The following WWP1 variants were observed in gnomAD, a reference collection of about 807,000 sequenced individuals.
WWP1 encodes WW domain containing E3 ubiquitin protein ligase 1, also known as NEDD4-like E3 ubiquitin-protein ligase WWP1.
A neutral mutation model predicts 130.6 loss-of-function variants in WWP1; 49 were observed. The observed-to-expected ratio is 0.38, with a 90% CI of 0.30 to 0.48. The LOEUF (loss-of-function observed/expected upper bound fraction) is 0.48. Ranked by LOEUF, WWP1 falls within the 20% of genes least tolerant of loss-of-function variation. The pLI, the probability that WWP1 is intolerant of heterozygous loss-of-function variation, is 0.99. For missense variants in WWP1, 809 were observed against 1,100.6 expected (o/e 0.74, Z 3.75); for synonymous variants, 332 against 367.8 (o/e 0.90, Z 1.11).
rs777777787 is a variant in WWP1 at position 86,452,585 on chromosome 8, G to A, written c.2300G>A (p.Arg767Gln). The A allele has an allele frequency of 5.6e-6, 9 of 1,606,536 alleles. No homozygotes were observed. The highest frequency in any genetic ancestry group is 4.0e-5 in the African/African-American group (3 of 74,510). ...IGLMTEWRFS[R>Q]GVQEQTKAFL... is the part of the protein sequence containing the mutation. ...TTAATGACAGAATGGCGTTTTTCTC[G>A]AGGAGTACAAGAACAGACCAAAGCT... The change falls in exon 21 of 25, where the codon CGA (arginine) becomes CAA (glutamine). Residue 767 changes from arginine (R) to glutamine (Q), a missense_variant. Transcript: ENST00000517970.
intron 17 of WWP1, 62 bp downstream of exon 17, chr8:86,438,735 A>G (rs1482251533): frequency 5.9e-6 from 8 of 1,345,276 alleles, no homozygotes; most frequent in Non-Finnish European, 8.1e-6. Context: ...CAGGGAAAGT[A>G]TTCTTCAAAA....
At chr8:86,417,886 G>T (rs1586404291) in intron 9 of WWP1, among the ~76,000 whole-genome samples, 1 of 152,218 alleles carries the variant, frequency 6.6e-6, no homozygotes, top group East Asian at 1.9e-4. Context: ...AGAGCTCAAG[G>T]CTCTGTTGTG....
chr8:86,398,501 G>A, intron 6 of WWP1, 22 bp downstream of exon 6: 1 of 1,609,040 alleles, frequency 6.2e-7, no homozygotes, highest in Non-Finnish European at 8.5e-7. Context: ...TTATATGTTT[G>A]TAAAATTTCA....
chr8:86,457,223 T>A (rs1811496143), intron 21 of WWP1, among the ~76,000 whole-genome samples: 1 of 151,930 alleles, frequency 6.6e-6, no homozygotes, highest in Admixed American at 6.6e-5. Flanking sequence ...CATACATAAG[T>A]TGAGGTTGTT....
At chr8:86,371,067 G>A (rs1000607291) in intron 2 of WWP1, among the ~76,000 whole-genome samples, 3 of 145,856 alleles carry the variant, frequency 2.1e-5, no homozygotes, top group Non-Finnish European at 3.0e-5. Context: ...TGGTAGAGGC[G>A]AGGCTTCACC....
chr8:86,458,918 A>C (rs1811602231), intron 22 of WWP1, among the ~76,000 whole-genome samples: 1 of 152,290 alleles, frequency 6.6e-6, no homozygotes, highest in African/African-American at 2.4e-5. Context: ...CAGAGACTTG[A>C]AACAACCTAA....
chr8:86,420,730 T>TA (rs1809153918), intron 9 of WWP1, among the ~76,000 whole-genome samples: 1 of 152,196 alleles, frequency 6.6e-6, no homozygotes, highest in Non-Finnish European at 1.5e-5. Flanking sequence ...TTTTTTGCAA[T>TA]AAGTCTCACA....
intron 3 of WWP1, among the ~76,000 whole-genome samples, chr8:86,377,669 T>C (rs1824744684): frequency 6.6e-6 from 1 of 152,158 alleles, no homozygotes; most frequent in African/African-American, 2.4e-5. Context: ...TAATATACTG[T>C]AATGTACCAG....
chr8:86,363,178 CTG>C (rs527672269), intron 1 of WWP1, among the ~76,000 whole-genome samples: 117 of 152,172 alleles, frequency 7.7e-4, no homozygotes, highest in Admixed American at 6.5e-4. Flanking sequence ...TGGCAGAACA[CTG>C]GGTTTTGTGA....
At chr8:86,380,662 T>C in intron 3 of WWP1, 64 bp from the exon 4 acceptor site, 1 of 1,464,420 alleles carries the variant, frequency 6.8e-7, no homozygotes, top group East Asian at 2.4e-5. Flanking sequence ...TTCTTATTGA[T>C]TGATTAGTGT....
At chr8:86,372,072 G>A (rs2130300238) in intron 2 of WWP1, among the ~76,000 whole-genome samples, 1 of 134,616 alleles carries the variant, frequency 7.4e-6, no homozygotes, top group Non-Finnish European at 1.5e-5. Context: ...CGCCCAGGCT[G>A]GAGTGCAGTG....
chr8:86,393,703 G>A (rs915586886), intron 5 of WWP1, among the ~76,000 whole-genome samples: 1 of 152,118 alleles, frequency 6.6e-6, no homozygotes, highest in African/African-American at 2.4e-5. Context: ...AACCTAATGT[G>A]TTCATTTTGT....
intron 5 of WWP1, among the ~76,000 whole-genome samples, chr8:86,393,410 G>A (rs1244706325): frequency 2.0e-5 from 3 of 151,942 alleles, no homozygotes; most frequent in Non-Finnish European, 4.4e-5. Flanking sequence ...ACCATGCCTG[G>A]CTAATTTTTG....
chr8:86,359,186 A>C (rs766925099), intron 1 of WWP1, among the ~76,000 whole-genome samples: 19 of 152,132 alleles, frequency 1.2e-4, no homozygotes, highest in Non-Finnish European at 2.5e-4. Context: ...TTTTTTCTCT[A>C]CCTAAATTTT....
At chr8:86,466,465 A>G (rs1241262615) in intron 24 of WWP1, among the ~76,000 whole-genome samples, 1 of 152,134 alleles carries the variant, frequency 6.6e-6, no homozygotes, top group African/African-American at 2.4e-5. Flanking sequence ...GGATGAAAGA[A>G]ATGGACTCTT....
chr8:86,442,845 A>T, intron 18 of WWP1, 67 bp downstream of exon 18: 1 of 1,445,566 alleles, frequency 6.9e-7, no homozygotes, highest in Non-Finnish European at 9.2e-7. Context: ...GGCTTTTAAA[A>T]AAAAAAAAAA....
chr8:86,433,039 A>G (rs951149321), intron 14 of WWP1, among the ~76,000 whole-genome samples: 6 of 152,174 alleles, frequency 3.9e-5, no homozygotes, highest in African/African-American at 1.4e-4. Context: ...AAGGGCACCA[A>G]TGATCTTCAC....
chr8:86,450,247 A>G (rs1276754480), intron 20 of WWP1, among the ~76,000 whole-genome samples: 1 of 152,098 alleles, frequency 6.6e-6, no homozygotes, highest in Non-Finnish European at 1.5e-5. Flanking sequence ...TAAACCAGTC[A>G]TCTCTGAGTG....
At chr8:86,397,694 G>A (rs1399245496) in intron 5 of WWP1, among the ~76,000 whole-genome samples, 1 of 152,112 alleles carries the variant, frequency 6.6e-6, no homozygotes, top group Admixed American at 6.5e-5. Flanking sequence ...TAACATAGAA[G>A]TTGAAGCAAA....
Sources: allele counts gnomAD v4.1 joint callset (sites outside exome capture counted in the v4.1 genomes callset), GRCh38; gene constraint gnomAD v4.1.1; transcripts MANE v1.5; gene names NCBI Gene and HGNC (gene_info 2026-07-23, HGNC 2026-07-21).